Variants in XG observed in about 807,000 individuals in gnomAD.
XG encodes the protein Xg glycoprotein (Xg blood group), also known as glycoprotein Xg.
Under a neutral mutation model 25.7 loss-of-function variants are expected in XG, and 24 were observed. The observed-to-expected ratio is 0.93, with a 90% CI of 0.68 to 1.31. The LOEUF (loss-of-function observed/expected upper bound fraction) is 1.31. Ranked by LOEUF, XG falls within the 40% of genes most tolerant of loss-of-function variation. The pLI, the probability that XG is intolerant of heterozygous loss-of-function variation, is 0.00. For synonymous variants in XG, 77 were observed against 69.2 expected (o/e 1.11, Z -0.56); for missense variants, 181 against 187.6 (o/e 0.96, Z 0.21).
chrX:2,776,622 G>A (rs1335567464), intron 3 of XG, among the ~76,000 whole-genome samples: 1 of 151,964 alleles, frequency 6.6e-6, no homozygotes, highest in East Asian at 1.9e-4. Flanking sequence ...AAAAGGGAGA[G>A]TCTAAAAACA....
chrX:2,757,323 G>T (rs911842832), intron 1 of XG, among the ~76,000 whole-genome samples: 2 of 151,698 alleles, frequency 1.3e-5, no homozygotes, highest in African/African-American at 4.8e-5. Flanking sequence ...TGGGTCAAAA[G>T]GCAACATTTG....
In XG at chrX:2,814,378, T is replaced by A; in HGVS notation, c.586T>A (p.Ter196ArgextTer3). The change falls in exon 11 of 11, where the codon TGA becomes AGA. Residue 196 changes from the stop codon to arginine (R), a stop_lost. Coordinates refer to ENST00000644266, the MANE Select transcript of XG (RefSeq NM_001141919.2). Reference sequence around the variant, plus strand: ...CTTCCTTTCAGAACCAGAAAATGTCTGAAGATGTTAAGATCCCCTGATTAC... The same window carrying A: ...CTTCCTTTCAGAACCAGAAAATGTCAGAAGATGTTAAGATCCCCTGATTAC... The part of the protein sequence containing the change: ...CFRTHEPENV[*>R] 8.3e-7 allele frequency: 1 copy of A among 1,207,321 alleles called. No homozygotes were observed. The highest frequency in any genetic ancestry group is 1.8e-5 in the South Asian group (1 of 55,802).
At chrX:2,756,710 C>G (rs1021278272) in intron 1 of XG, among the ~76,000 whole-genome samples, 11 of 152,260 alleles carry the variant, frequency 7.2e-5, no homozygotes, top group African/African-American at 2.2e-4. Context: ...CCTGACGCCC[C>G]CTCACAGGAT....
chrX:2,753,441 A>G (rs193152300), intron 1 of XG, among the ~76,000 whole-genome samples: 1 of 152,340 alleles, frequency 6.6e-6, no homozygotes, highest in Admixed American at 6.5e-5. Flanking sequence ...CAACTTCTAC[A>G]AAGTGCGGAT....
intron 3 of XG, 26 bp downstream of exon 3, chrX:2,774,765 A>G (rs779030168): frequency 1.2e-6 from 2 of 1,613,762 alleles, no homozygotes; most frequent in East Asian, 4.5e-5. Flanking sequence ...GCTGGGAAAA[A>G]CTGAGGCAAC....
chrX:2,771,463 T>C (rs746422090), intron 2 of XG, among the ~76,000 whole-genome samples: 1 of 152,214 alleles, frequency 6.6e-6, no homozygotes, highest in African/African-American at 2.4e-5. Flanking sequence ...CTAGAACCTT[T>C]CTGGCTGACC....
intron 8 of XG, among the ~76,000 whole-genome samples, chrX:2,807,119 A>G (rs2087005563): frequency 2.8e-5 from 1 of 36,320 alleles, no homozygotes; most frequent in Non-Finnish European, 5.8e-5. Context: ...TTTCATGTGC[A>G]TGTGTGCAAG....
At chrX:2,758,773 T>G (rs1027185906) in intron 1 of XG, among the ~76,000 whole-genome samples, 7 of 152,134 alleles carry the variant, frequency 4.6e-5, no homozygotes, top group East Asian at 1.9e-4. Flanking sequence ...CAACCTCATA[T>G]GTCAGTAGGA....
chrX:2,756,801 G>T (rs28585571), intron 1 of XG, among the ~76,000 whole-genome samples: 2 of 152,182 alleles, frequency 1.3e-5, no homozygotes, highest in African/African-American at 4.8e-5. Flanking sequence ...AGACGGGCAG[G>T]TGCAGCAGCT....
At chrX:2,773,546 GGAGA>G (rs1203588754) in intron 2 of XG, among the ~76,000 whole-genome samples, 5 of 121,270 alleles carry the variant, frequency 4.1e-5, no homozygotes, top group African/African-American at 1.6e-4. Context: ...AAGGAAGGAA[GGAGA>G]GAAGGAAGGA....
At chrX:2,755,596 A>G (rs2050416908) in intron 1 of XG, among the ~76,000 whole-genome samples, 1 of 152,056 alleles carries the variant, frequency 6.6e-6, no homozygotes, top group Admixed American at 6.6e-5. Context: ...TCAGCCTTCT[A>G]TTGCCCAGCC....
intron 4 of XG, among the ~76,000 whole-genome samples, chrX:2,784,237 C>T (rs923736871): frequency 3.1e-4 from 34 of 111,021 alleles, no homozygotes; most frequent in African/African-American, 1.1e-3. Context: ...ACTTGGGAAA[C>T]GCCCAGTTAA....
intron 5 of XG, among the ~76,000 whole-genome samples, chrX:2,793,037 C>A (rs1416791283): frequency 9.1e-6 from 1 of 110,126 alleles, no homozygotes; most frequent in Non-Finnish European, 1.9e-5. Context: ...GCAGATGGGA[C>A]TACAGGCGCA....
At chrX:2,777,970 A>G (rs2051037992) in intron 3 of XG, among the ~76,000 whole-genome samples, 1 of 152,220 alleles carries the variant, frequency 6.6e-6, no homozygotes, top group African/African-American at 2.4e-5. Flanking sequence ...AGAAGGTGAA[A>G]ATAGCTGGAA....
chrX:2,806,561 C>T, intron 7 of XG, 140 bp from the exon 8 acceptor site: 3 of 535,101 alleles, frequency 5.6e-6, no homozygotes, highest in Non-Finnish European at 9.1e-6. Context: ...TGCACCTTCC[C>T]TGGCCTTGGG....
intron 3 of XG, among the ~76,000 whole-genome samples, chrX:2,777,784 G>A (rs760105668): frequency 5.4e-4 from 82 of 152,244 alleles, no homozygotes; most frequent in Middle Eastern, 3.4e-3. Flanking sequence ...GTTTCGGCTG[G>A]GCGCAGTGGC....
chrX:2,794,621 C>T lies in XG; in HGVS notation c.322+18C>T. On this transcript the variant is annotated intron_variant, in intron 6 of 10. Transcript: ENST00000644266. ...GCCTGCAGGTAGGTGCCGAGCCTCC[C>T]CAGATGCGACACATTGAATTTGCAC... 2 of 1,206,857 alleles carry T rather than the reference C, an allele frequency of 1.7e-6. No individual in the cohort carries two copies. The highest frequency in any genetic ancestry group is 2.2e-6 in the Non-Finnish European group (2 of 892,951).
intron 6 of XG, among the ~76,000 whole-genome samples, chrX:2,796,492 A>G (rs754667000): frequency 0.16 from 10,410 of 66,372 alleles, 1,092 homozygotes; most frequent in African/African-American, 0.39. Context: ...GTGTGTGTAT[A>G]TATATATACA....
At chrX:2,807,336 C>G (rs920329888) in intron 8 of XG, among the ~76,000 whole-genome samples, 3 of 113,003 alleles carry the variant, frequency 2.7e-5, no homozygotes, top group African/African-American at 9.6e-5. Flanking sequence ...GAGTGTGCAT[C>G]TGGGTGTGCT....
Sources: gnomAD v4.1 joint callset for allele counts (sites outside exome capture counted in the v4.1 genomes callset) on GRCh38, gnomAD v4.1.1 for gene constraint, MANE v1.5 for transcripts, NCBI Gene and HGNC (gene_info 2026-07-23, HGNC 2026-07-21) for gene names.